Variants in ANKRD11 observed in about 807,000 individuals in gnomAD.
ANKRD11 encodes the protein ankyrin repeat domain 11.
A neutral mutation model predicts 195.7 loss-of-function variants in ANKRD11; 17 were observed. The ratio of observed to expected loss-of-function variants is 0.09; its 90% CI spans 0.06 to 0.13. ANKRD11 has a LOEUF of 0.13. Among genes scored for constraint, ANKRD11 ranks in the 10% least tolerant of loss-of-function variants. ANKRD11 has a pLI of 1.00. For missense variants in ANKRD11, 3,735 were observed against 3,566.1 expected, an observed-to-expected ratio of 1.05 and a Z score of -1.21; for synonymous variants, 1,953 against 1,528.1, an observed-to-expected ratio of 1.28 and a Z score of -6.49.
chr16:89,488,837 G>C (rs1297755410), intron 1 of ANKRD11, among the ~76,000 whole-genome samples: 1 of 152,118 alleles, frequency 6.6e-6, no homozygotes, highest in African/African-American at 2.4e-5. Context: ...CCTCATGTAA[G>C]AAAGCCTGAA....
intron 1 of ANKRD11, among the ~76,000 whole-genome samples, chr16:89,430,582 G>A (rs567678711): frequency 2.6e-5 from 4 of 152,240 alleles, no homozygotes; most frequent in African/African-American, 4.8e-5. Flanking sequence ...ACGCTCAGAC[G>A]TTCTAGTACA....
At chr16:89,418,401 A>G (rs144505103) in intron 1 of ANKRD11, 33 bp from the exon 2 acceptor site, 284 of 425,362 alleles carry the variant, frequency 6.7e-4, no homozygotes, top group African/African-American at 4.7e-3. Context: ...GCTCATGTCA[A>G]TAATAATTTC....
rs181651207 is a variant in ANKRD11, at chr16:89,441,495, C to T, written c.-144-23127G>A. Among the ~76,000 whole-genome samples the T allele has an allele frequency of 2.2e-3, 333 of 151,958 alleles. 5 individuals are homozygous for T. Among genetic ancestry groups the T allele is most frequent in the Non-Finnish European group, 8.7e-4 (59 of 67,954 alleles). On this transcript the variant is annotated intron_variant, in intron 1 of 12. Coordinates refer to ENST00000301030, the MANE Select transcript of ANKRD11 (RefSeq NM_013275.6). ...AAAAATACGCAAACCTGGCCGGGCG[C>T]GGTGGCTCACGCCTGTAATCCCAGC...
In ANKRD11 at chr16:89,486,001, G is replaced by C. The variant is rs79328179; in HGVS notation, c.-145+4244C>G. ...AACTGCTTCTGGCCCTTCTACTCTG[G>C]CCTGAAAACAGCAGTCCTGCTAAAA... On this transcript the variant is annotated intron_variant, in intron 1 of 12. Coordinates refer to ENST00000301030, the MANE Select transcript of ANKRD11 (RefSeq NM_013275.6). Among the ~76,000 whole-genome samples the C allele has an allele frequency of 8.7e-3, 1,317 of 152,202 alleles. 20 individuals carry two copies. The highest frequency in any genetic ancestry group is 0.03 in the African/African-American group (1,230 of 41,510).
intron 1 of ANKRD11, among the ~76,000 whole-genome samples, chr16:89,445,649 T>C (rs1446972168): frequency 6.6e-6 from 1 of 152,116 alleles, no homozygotes; most frequent in Non-Finnish European, 1.5e-5. Flanking sequence ...TCCTCTTCAA[T>C]AAAATCAGGA....
intron 4 of ANKRD11, among the ~76,000 whole-genome samples, chr16:89,297,346 A>G (rs2035506242): frequency 6.6e-6 from 1 of 152,174 alleles, no homozygotes; most frequent in Admixed American, 6.5e-5. Context: ...ATATTTTCAA[A>G]CAACAGAAAG....
intron 1 of ANKRD11, among the ~76,000 whole-genome samples, chr16:89,466,425 A>G (rs2056887244): frequency 6.6e-6 from 1 of 152,192 alleles, no homozygotes; most frequent in East Asian, 1.9e-4. Flanking sequence ...TGATGGGTGC[A>G]CAATATAATG....
chr16:89,443,985 G>A (rs894364112), intron 1 of ANKRD11, among the ~76,000 whole-genome samples: 11 of 152,190 alleles, frequency 7.2e-5, no homozygotes, highest in Admixed American at 1.3e-4. Context: ...AGGCTGAACA[G>A]GGAGGCAGAA....
At chr16:89,366,223 A>T (rs139614042) in intron 2 of ANKRD11, among the ~76,000 whole-genome samples, 1 of 151,784 alleles carries the variant, frequency 6.6e-6, no homozygotes, top group Admixed American at 6.6e-5. Flanking sequence ...TCTTTATCCA[A>T]TCCGTCACTG....
rs184708844 is a variant in ANKRD11, at chr16:89,316,614, C to G, written c.87+319G>C. ...GCAGTCAGGATATCTGAATGCCTGA[C>G]AGGCCTAACAGGAGCCAGGACAGAA... On this transcript the variant is annotated intron_variant, in intron 3 of 12. Transcript: ENST00000301030. 3.6e-4 allele frequency among the ~76,000 whole-genome samples: 55 copies of G among 152,342 alleles called. 1 individual carries two copies. Among genetic ancestry groups the G allele is most frequent in the Admixed American group, 3.3e-3 (50 of 15,308 alleles).
chr16:89,420,330 G>T (rs1005395565), intron 1 of ANKRD11: 1 of 152,172 alleles, frequency 6.6e-6, no homozygotes, highest in Non-Finnish European at 1.5e-5. Context: ...TTTGGGTTCA[G>T]CGCGCCAACA....
In ANKRD11 at chr16:89,411,254, T is replaced by C. The variant is rs150269612; in HGVS notation, c.-60+7030A>G. Reference sequence around the variant, plus strand: ...CCACCACGGGGGCCCAGGGACCTTTTTGCTCTACTTCTCTTTCAAACTTGC... The same window carrying C: ...CCACCACGGGGGCCCAGGGACCTTTCTGCTCTACTTCTCTTTCAAACTTGC... On this transcript the variant is annotated intron_variant, in intron 2 of 12. Coordinates refer to ENST00000301030, the MANE Select transcript of ANKRD11 (RefSeq NM_013275.6). 5.4e-3 allele frequency among the ~76,000 whole-genome samples: 815 copies of C among 152,306 alleles called. 6 individuals carry two copies. The highest frequency in any genetic ancestry group is 0.019 in the African/African-American group (791 of 41,568).
At chr16:89,449,260 G>C (rs2043952454) in intron 1 of ANKRD11, among the ~76,000 whole-genome samples, 1 of 151,952 alleles carries the variant, frequency 6.6e-6, no homozygotes, top group African/African-American at 2.4e-5. Context: ...CAACTACTTG[G>C]AGGCTGAGGT....
Position 89,281,739 on chromosome 16 carries a change from G to T in ANKRD11, c.4803C>A (p.His1601Gln). ...TCTCCATTTGCTTCATCCTCTCCTTGTGCCGCTTGTGGCGCTCCTCGATCT... is the reference window on the plus strand; with the variant it reads ...TCTCCATTTGCTTCATCCTCTCCTTTTGCCGCTTGTGGCGCTCCTCGATCT... ...DLEIEERHKR[H>Q]KERMKQMEKL... is the part of the protein sequence containing the mutation. Residue 1601 changes from histidine to glutamine, a missense_variant, in exon 9 of 13, where the codon CAC becomes CAA. His to Gln is a conservative substitution (Grantham distance 24). Transcript: ENST00000301030. The surrounding 1 kb of genome is among the most constrained non-coding windows in gnomAD (Gnocchi z 5.5). The T allele has an allele frequency of 6.2e-7, 1 of 1,613,880 alleles. No individual in the cohort carries two copies. Among genetic ancestry groups the T allele is most frequent in the Non-Finnish European group, 8.5e-7 (1 of 1,179,994 alleles).
rs757018776 is a variant in ANKRD11 at position 89,405,693 on chromosome 16, G to A, written c.-60+12591C>T. On this transcript the variant is annotated intron_variant, in intron 2 of 12. Transcript: ENST00000301030. ...CTGCAGATAAGGCATGTTCTCACAG[G>A]GACAATTCAGGAAATGCACCAAAGC... Among the ~76,000 whole-genome samples the A allele has an allele frequency of 1.3e-4, 19 of 151,880 alleles. 1 individual carries two copies. Among genetic ancestry groups the A allele is most frequent in the Non-Finnish European group, 2.6e-4 (18 of 67,986 alleles).
Position 89,291,079 on chromosome 16 carries a change from G to C in ANKRD11, c.331C>G (p.Leu111Val). The stretch of plus-strand genomic sequence containing the variant: ...AGGGCCACCTGCTGGCGCTCGGAGA[G>C]GGGGTAGCCGGCTCGGATTCCAGAC... ...GLSGIRAGYP[L>V]SERQQVALLM... is the part of the protein sequence containing the mutation. Residue 111 changes from leucine to valine, a missense_variant, in exon 5 of 13, where the codon CTC (leucine) becomes GTC (valine). Coordinates refer to ENST00000301030, the MANE Select transcript of ANKRD11 (RefSeq NM_013275.6). The surrounding 1 kb of genome is among the most constrained non-coding windows in gnomAD (Gnocchi z 5.3). 1 of 1,613,636 alleles carries C rather than the reference G, an allele frequency of 6.2e-7. No individual in the cohort carries two copies. Among genetic ancestry groups the C allele is most frequent in the Non-Finnish European group, 8.5e-7 (1 of 1,179,914 alleles).
Position 89,301,218 on chromosome 16 carries a change from C to A in ANKRD11, c.226+3988G>T. ...ACCTCCTAGCCTCAAGGGATCCTCC[C>A]GCCAAAGTGCTGGAAGGGTGAAGGG... On this transcript the variant is annotated intron_variant, in intron 4 of 12. Coordinates refer to ENST00000301030, the MANE Select transcript of ANKRD11 (RefSeq NM_013275.6). 4.9e-6 allele frequency: 2 copies of A among 408,614 alleles called. 1 individual carries two copies. The highest frequency in any genetic ancestry group is 8.8e-5 in the Admixed American group (2 of 22,668). The allele number at this position is 408,614 out of a possible 1,614,324, so 25.3% of individuals were successfully genotyped here.
At chr16:89,354,125 A>G (rs1354576283) in intron 2 of ANKRD11, among the ~76,000 whole-genome samples, 1 of 152,004 alleles carries the variant, frequency 6.6e-6, no homozygotes, top group Non-Finnish European at 1.5e-5. Flanking sequence ...AGGTCACTCC[A>G]CTGCTTCTAA....
chr16:89,306,987 GAC>G (rs1298810016), intron 3 of ANKRD11, among the ~76,000 whole-genome samples: 3 of 151,100 alleles, frequency 2.0e-5, no homozygotes, highest in African/African-American at 7.3e-5. Flanking sequence ...GGGACGGTGC[GAC>G]ACACACAGCG....
Sources: allele counts gnomAD v4.1 joint callset (sites outside exome capture counted in the v4.1 genomes callset), GRCh38; gene constraint gnomAD v4.1.1; non-coding constraint Gnocchi (gnomAD v3.1); transcripts MANE v1.5; gene names NCBI Gene and HGNC (gene_info 2026-07-23, HGNC 2026-07-21).